Variants in CIT observed in about 807,000 individuals in gnomAD.
CIT encodes the protein citron Rho-interacting kinase.
CIT carries 79 observed loss-of-function variants against 272.7 expected under a neutral mutation model. The observed-to-expected ratio is 0.29, with a 90% CI of 0.24 to 0.35. CIT has a LOEUF of 0.35. Ranked by LOEUF, CIT falls within the 10% of genes least tolerant of loss-of-function variation. CIT has a pLI of 1.00. For synonymous variants in CIT, 948 were observed against 995.6 expected (o/e 0.95, Z 0.90); for missense variants, 1,909 against 2,618.3 (o/e 0.73, Z 5.91).
chr12:119,824,156 AT>A (rs1967976129), intron 8 of CIT, among the ~76,000 whole-genome samples: 2 of 146,302 alleles, frequency 1.4e-5, no homozygotes, highest in Admixed American at 6.9e-5. Context: ...TAAAACACAT[AT>A]CTATATGTAA....
intron 5 of CIT, among the ~76,000 whole-genome samples, chr12:119,837,690 G>C (rs1285031833): frequency 6.6e-6 from 1 of 152,174 alleles, no homozygotes; most frequent in Non-Finnish European, 1.5e-5. Flanking sequence ...GGATAGCCTT[G>C]GCTTCTACCC....
In CIT at chr12:119,718,540, G is replaced by T; in HGVS notation, c.4004-131C>A. On this transcript the variant is annotated intron_variant, in intron 31 of 47. Transcript: ENST00000392521. This position sits in a 1 kb window ranked among gnomAD's most constrained non-coding sequence, Gnocchi z 4.8. ...ATATGCGTCACATCAACTTGGCAATGCACAGGGGCCATACGTTTTTCAGAC... is the reference window on the plus strand; with the variant it reads ...ATATGCGTCACATCAACTTGGCAATTCACAGGGGCCATACGTTTTTCAGAC... The T allele has an allele frequency of 7.2e-7, 1 of 1,397,966 alleles. No homozygotes were observed. Among genetic ancestry groups the T allele is most frequent in the Non-Finnish European group, 9.8e-7 (1 of 1,019,140 alleles). The allele number at this position is 1,397,966 out of a possible 1,614,324, so 86.6% of individuals were successfully genotyped here. A position where few individuals can be genotyped will look rare whatever the true frequency, so the allele number is the denominator to read the frequency against.
At chr12:119,811,182 C>T (rs1030017574) in intron 9 of CIT, among the ~76,000 whole-genome samples, 1 of 151,860 alleles carries the variant, frequency 6.6e-6, no homozygotes, top group African/African-American at 2.4e-5. Context: ...AAAAATTAGC[C>T]GGGTGTGGTG....
intron 46 of CIT, among the ~76,000 whole-genome samples, chr12:119,692,006 A>G (rs564629188): frequency 6.6e-6 from 1 of 152,268 alleles, no homozygotes; most frequent in Admixed American, 6.5e-5. Flanking sequence ...CAATGCAATT[A>G]CATGCTGATT....
chr12:119,782,316 C>T, intron 13 of CIT: 1 of 477,262 alleles, frequency 2.1e-6, no homozygotes, highest in South Asian at 3.4e-5. Context: ...TCAAAAGGAG[C>T]TGGAACAAGC....
rs369849976 is a variant in CIT at position 119,712,496 on chromosome 12, G to T, written c.4684+95C>A. ...GAGCGGAGGAAGATGGGCCTCCTTT[G>T]CAGAGCCAATCTTCCCTGTACCACC... On this transcript the variant is annotated intron_variant, in intron 36 of 47. Transcript: ENST00000392521. The surrounding 1 kb of genome is among the most constrained non-coding windows in gnomAD (Gnocchi z 5.2). The T allele has an allele frequency of 1.1e-4, 160 of 1,406,404 alleles. 2 individuals carry two copies. In the African/African-American group the frequency reaches 1.8e-3, roughly 16 times the overall value. The allele number at this position is 1,406,404 out of a possible 1,614,324, so 87.1% of individuals were successfully genotyped here. A position where few individuals can be genotyped will look rare whatever the true frequency, so the allele number is the denominator to read the frequency against.
At chr12:119,826,507 C>G (rs1450142178) in intron 7 of CIT, among the ~76,000 whole-genome samples, 2 of 152,148 alleles carry the variant, frequency 1.3e-5, no homozygotes, top group African/African-American at 2.4e-5. Context: ...TCCCCTCATA[C>G]CCACCCCTGT....
chr12:119,757,279 T>G, intron 22 of CIT, 92 bp downstream of exon 22: 1 of 1,498,726 alleles, frequency 6.7e-7, no homozygotes, highest in Non-Finnish European at 9.1e-7. Context: ...ACAATGTCTC[T>G]TGTATAGATA....
chr12:119,711,280 C>T (rs1348126648), intron 37 of CIT, among the ~76,000 whole-genome samples: 1 of 152,194 alleles, frequency 6.6e-6, no homozygotes, highest in African/African-American at 2.4e-5. Flanking sequence ...GTTTGGTCTT[C>T]GCTGGAGCAA....
At chr12:119,817,912 A>T (rs1375250383) in intron 9 of CIT, among the ~76,000 whole-genome samples, 2 of 133,372 alleles carry the variant, frequency 1.5e-5, no homozygotes, top group South Asian at 2.2e-4. Context: ...TCCATCACTT[A>T]AAAAAAAAAA....
In CIT at chr12:119,832,802, C is replaced by A. The variant is rs760948445; in HGVS notation, c.722G>T (p.Gly241Val). 6.2e-7 allele frequency: 1 copy of A among 1,613,998 alleles called. No individual in the cohort carries two copies. The highest frequency in any genetic ancestry group is 8.5e-7 in the Non-Finnish European group (1 of 1,179,922). The stretch of plus-strand genomic sequence containing the variant: ...GTTTGAATTCATTTTCGCGGCAGAT[C>A]CAAAATCCACCAGCTTGATGTGTCC... ...RTGHIKLVDF[G>V]SAAKMNSNKM... Residue 241 changes from glycine (G) to valine (V), a missense_variant, in exon 7 of 48, where the codon GGA becomes GTA. By Grantham distance (109) the Gly-to-Val change is moderately radical. Around this residue, in one of 8 missense-constraint regions of CIT, gnomAD observed 529 missense variants for 549.6 expected, o/e 0.96. Coordinates refer to ENST00000392521, the MANE Select transcript of CIT (RefSeq NM_001206999.2).
chr12:119,845,869 A>G (rs1468904037), intron 5 of CIT, among the ~76,000 whole-genome samples: 1 of 150,572 alleles, frequency 6.6e-6, no homozygotes, highest in Non-Finnish European at 1.5e-5. Flanking sequence ...AGAACCCGGG[A>G]GGCAGAGGTT....
intron 3 of CIT, among the ~76,000 whole-genome samples, chr12:119,859,185 C>T (rs893015488): frequency 1.3e-5 from 2 of 152,320 alleles, no homozygotes; most frequent in Non-Finnish European, 2.9e-5. Flanking sequence ...CAGCATCATA[C>T]ACAGGCATTA....
At chr12:119,794,002 T>C (rs1379919025) in intron 10 of CIT, among the ~76,000 whole-genome samples, 2 of 152,162 alleles carry the variant, frequency 1.3e-5, no homozygotes, top group Non-Finnish European at 2.9e-5. Flanking sequence ...GCTTAAAAGC[T>C]GTGTCACCTT....
chr12:119,876,548 T>C (rs1259650112), intron 1 of CIT, among the ~76,000 whole-genome samples: 2 of 152,148 alleles, frequency 1.3e-5, no homozygotes, highest in South Asian at 2.1e-4. Context: ...ATATAGCTTG[T>C]TGTAAGGTGT....
At chr12:119,794,390 T>C (rs1333006903) in intron 10 of CIT, among the ~76,000 whole-genome samples, 4 of 152,188 alleles carry the variant, frequency 2.6e-5, no homozygotes, top group African/African-American at 9.7e-5. Context: ...ATGAGAAGTG[T>C]GCTGCATGTA....
At chr12:119,858,775 T>C (rs1215712918) in intron 3 of CIT, among the ~76,000 whole-genome samples, 1 of 150,234 alleles carries the variant, frequency 6.7e-6, no homozygotes, top group South Asian at 2.1e-4. Flanking sequence ...TGAGCCGAGA[T>C]CACACCACTG....
At chr12:119,821,740 C>T (rs770089695) in intron 9 of CIT, among the ~76,000 whole-genome samples, 17 of 152,064 alleles carry the variant, frequency 1.1e-4, no homozygotes, top group African/African-American at 3.9e-4. Context: ...AGGAAGAATG[C>T]CCTGAAAATA....
intron 40 of CIT, among the ~76,000 whole-genome samples, chr12:119,705,013 A>T (rs1956800059): frequency 6.6e-6 from 1 of 152,166 alleles, no homozygotes; most frequent in Non-Finnish European, 1.5e-5. Flanking sequence ...CCCGGCTTCA[A>T]GCCATTCTCC....
Sources: gnomAD v4.1 joint callset for allele counts (sites outside exome capture counted in the v4.1 genomes callset) on GRCh38, gnomAD v4.1.1 for gene constraint, gnomAD v4.1.1 regional missense constraint, Gnocchi (gnomAD v3.1) non-coding constraint, MANE v1.5 for transcripts, NCBI Gene and HGNC (gene_info 2026-07-23, HGNC 2026-07-21) for gene names.